The following WDFY2 variants were observed in gnomAD, a reference collection of about 807,000 sequenced individuals.
WDFY2 encodes WD repeat and FYVE domain-containing protein 2.
In WDFY2, 36 loss-of-function variants were observed where a neutral mutation model predicts 56.4. That is an observed-to-expected ratio of 0.64 (90% CI 0.49 to 0.84). WDFY2 has a LOEUF of 0.84. Ranked by LOEUF, WDFY2 falls within the 40% of genes least tolerant of loss-of-function variation. The probability of loss-of-function intolerance (pLI) is 0.00; values close to 1 mark genes in which losing one functional copy is unlikely to be tolerated. For missense variants in WDFY2, 444 were observed against 512.2 expected (o/e 0.87, Z 1.29); for synonymous variants, 176 against 183.7 (o/e 0.96, Z 0.34).
intron 7 of WDFY2, 124 bp from the exon 8 acceptor site, chr13:51,751,186 T>C (rs1037586129): frequency 2.7e-6 from 2 of 734,464 alleles, no homozygotes; most frequent in Admixed American, 3.9e-5. Flanking sequence ...TTCCAACAGG[T>C]TTCTAAGATC....
Position 51,759,980 on chromosome 13 carries a change from G to T in WDFY2, c.*211G>T, listed in dbSNP as rs534455128. ...TCCAACTTGTTCATACAATATAAAAGAAGCTATTTTTTTAACAAATGGTTT... is the reference window on the plus strand; with the variant it reads ...TCCAACTTGTTCATACAATATAAAATAAGCTATTTTTTTAACAAATGGTTT... On this transcript the variant is annotated 3_prime_UTR_variant, in exon 12 of 12. Coordinates refer to ENST00000298125, the MANE Select transcript of WDFY2 (RefSeq NM_052950.4). 2 of 503,362 alleles carry T rather than the reference G, an allele frequency of 4.0e-6. No individual in the cohort carries two copies. Among genetic ancestry groups the T allele is most frequent in the South Asian group, 8.3e-5 (2 of 24,182 alleles). The allele number at this position is 503,362 out of a possible 1,614,324, so 31.2% of individuals were successfully genotyped here.
intron 1 of WDFY2, chr13:51,592,695 C>G (rs1014329561): frequency 6.6e-6 from 1 of 152,138 alleles, no homozygotes; most frequent in African/African-American, 2.4e-5. Context: ...ACTTATAACA[C>G]AGAGCTATTT....
intron 3 of WDFY2, among the ~76,000 whole-genome samples, chr13:51,701,694 T>C (rs1408113283): frequency 1.3e-5 from 2 of 152,146 alleles, no homozygotes; most frequent in East Asian, 3.8e-4. Context: ...TGCAAACCTC[T>C]ATTACGTTGT....
At chr13:51,606,837 C>A (rs1032185407) in intron 1 of WDFY2, among the ~76,000 whole-genome samples, 3 of 152,032 alleles carry the variant, frequency 2.0e-5, no homozygotes, top group African/African-American at 7.2e-5. Flanking sequence ...ATCTAAATAA[C>A]AAAATAATAA....
chr13:51,603,753 C>T (rs1954330303), intron 1 of WDFY2, among the ~76,000 whole-genome samples: 1 of 152,106 alleles, frequency 6.6e-6, no homozygotes, highest in African/African-American at 2.4e-5. Flanking sequence ...AAGAATAATG[C>T]TTCCTTCTTC....
At chr13:51,687,613 G>C (rs1956082178) in intron 3 of WDFY2, among the ~76,000 whole-genome samples, 1 of 147,952 alleles carries the variant, frequency 6.8e-6, no homozygotes, top group Non-Finnish European at 1.5e-5. Context: ...CCTGACTTGA[G>C]CTAAAAAAAA....
At chr13:51,702,792 A>G (rs1251964748) in intron 3 of WDFY2, among the ~76,000 whole-genome samples, 2 of 152,234 alleles carry the variant, frequency 1.3e-5, no homozygotes, top group Non-Finnish European at 2.9e-5. Flanking sequence ...TCAATTTATT[A>G]TACTTTGCAG....
intron 4 of WDFY2, among the ~76,000 whole-genome samples, chr13:51,715,369 T>G (rs1952321343): frequency 6.6e-6 from 1 of 152,200 alleles, no homozygotes; most frequent in Non-Finnish European, 1.5e-5. Flanking sequence ...TTTTTAATAT[T>G]TTTGTTTTAC....
intron 1 of WDFY2, among the ~76,000 whole-genome samples, chr13:51,611,020 TG>T (rs1395147298): frequency 1.3e-5 from 2 of 152,198 alleles, no homozygotes; most frequent in African/African-American, 4.8e-5. Context: ...CCAAAGTTAT[TG>T]GAATTAATTA....
intron 8 of WDFY2, among the ~76,000 whole-genome samples, chr13:51,752,402 G>A (rs941688509): frequency 6.6e-6 from 1 of 152,212 alleles, no homozygotes; most frequent in Non-Finnish European, 1.5e-5. Context: ...GGCTGGGATC[G>A]TTGTGATGAG....
At chr13:51,732,395 C>T (rs1235698242) in intron 6 of WDFY2, among the ~76,000 whole-genome samples, 1 of 152,184 alleles carries the variant, frequency 6.6e-6, no homozygotes, top group Non-Finnish European at 1.5e-5. Flanking sequence ...GTTGGGATTA[C>T]AGGCATGAGC....
intron 8 of WDFY2, among the ~76,000 whole-genome samples, chr13:51,753,353 G>A (rs891831907): frequency 1.3e-5 from 2 of 152,154 alleles, no homozygotes; most frequent in Non-Finnish European, 2.9e-5. Context: ...GATGTAGATC[G>A]AGTGACATTG....
chr13:51,594,918 C>A (rs1380178451), intron 1 of WDFY2, among the ~76,000 whole-genome samples: 1 of 152,184 alleles, frequency 6.6e-6, no homozygotes, highest in Non-Finnish European at 1.5e-5. Flanking sequence ...TTTTCTGTTG[C>A]CATGGTTCCA....
At chr13:51,598,253 G>A (rs1245208906) in intron 1 of WDFY2, among the ~76,000 whole-genome samples, 2 of 151,980 alleles carry the variant, frequency 1.3e-5, no homozygotes, top group South Asian at 2.1e-4. Flanking sequence ...CCAGCTACTC[G>A]GGGGCTGGGG....
intron 1 of WDFY2, among the ~76,000 whole-genome samples, chr13:51,652,718 T>C (rs1955419817): frequency 1.3e-5 from 2 of 152,164 alleles, no homozygotes; most frequent in Admixed American, 1.3e-4. Flanking sequence ...TCTTTAAGAG[T>C]GTTGAATATT....
intron 1 of WDFY2, chr13:51,589,263 G>A (rs1023491226): frequency 2.0e-5 from 3 of 152,144 alleles, no homozygotes; most frequent in Non-Finnish European, 2.9e-5. Context: ...CCTGAGAGAA[G>A]TTTAGCAGCT....
At chr13:51,683,574 T>A (rs1277618576) in intron 3 of WDFY2, among the ~76,000 whole-genome samples, 4 of 152,236 alleles carry the variant, frequency 2.6e-5, no homozygotes, top group Non-Finnish European at 5.9e-5. Flanking sequence ...AGCAGAGTCA[T>A]GAAATATATC....
rs144564644 is a variant in WDFY2 at position 51,584,744 on chromosome 13, G to T, written c.57G>T (p.Arg19=). 105 of 1,613,892 alleles carry T rather than the reference G, an allele frequency of 6.5e-5. No individual in the cohort carries two copies. The African/African-American group carries it at 1.3e-3, about 19-fold the overall frequency. The change falls in exon 1 of 12, where the codon CGG becomes CGT. Residue 19 remains arginine, a synonymous_variant. Coordinates refer to ENST00000298125, the MANE Select transcript of WDFY2 (RefSeq NM_052950.4). ...PLTRKPILLQ[R]MEGSQEVVNM... ...CCCGCAAGCCGATCCTGCTGCAGCG[G>T]ATGGAGGGGTCCCAGGAGGTGGTGA...
At chr13:51,657,515 C>G (rs574247553) in intron 1 of WDFY2, among the ~76,000 whole-genome samples, 1 of 152,146 alleles carries the variant, frequency 6.6e-6, no homozygotes, top group South Asian at 2.1e-4. Flanking sequence ...TCTTAATTTC[C>G]CCTTCATTTG....
Sources: gnomAD v4.1 joint callset for allele counts (sites outside exome capture counted in the v4.1 genomes callset) on GRCh38, gnomAD v4.1.1 for gene constraint, MANE v1.5 for transcripts, NCBI Gene and HGNC (gene_info 2026-07-23, HGNC 2026-07-21) for gene names.